The following GPSM1 variants were observed in gnomAD, a reference collection of about 807,000 sequenced individuals.
GPSM1 encodes the protein G protein signaling modulator 1.
Under a neutral mutation model 70.5 loss-of-function variants are expected in GPSM1, and 48 were observed. The ratio of observed to expected loss-of-function variants is 0.68; its 90% confidence interval spans 0.54 to 0.87. The LOEUF (loss-of-function observed/expected upper bound fraction) is 0.87. Ranked by LOEUF, GPSM1 falls within the 40% of genes least tolerant of loss-of-function variation. The pLI, the probability that GPSM1 is intolerant of heterozygous loss-of-function variation, is 0.00. For synonymous variants in GPSM1, 416 were observed against 430.1 expected, an observed-to-expected ratio of 0.97 and a Z score of 0.41; for missense variants, 981 against 972.6, an observed-to-expected ratio of 1.01 and a Z score of -0.11.
At position 136,358,022 on chromosome 9, in the gene GPSM1, G is replaced by C; in HGVS notation, c.1830G>C (p.Arg610Ser). The change falls in exon 14 of 14, where the codon AGG becomes AGC. Residue 610 changes from arginine to serine, a missense_variant. Coordinates refer to ENST00000440944, the MANE Select transcript of GPSM1 (RefSeq NM_001145638.3). ...FNMLIKYQSS[R>S]IDDQRCPPPD... ...GCACTGTGTCCACCCAGTCCTCCAG[G>C]ATCGATGACCAGCGCTGCCCGCCAC... The C allele has an allele frequency of 6.2e-7, 1 of 1,612,526 alleles. No individual in the cohort carries two copies.
intron 6 of GPSM1, among the ~76,000 whole-genome samples, 174 bp from the exon 7 acceptor site, chr9:136,338,381 G>C (rs1206583573): frequency 6.6e-6 from 1 of 152,192 alleles, no homozygotes. Flanking sequence ...GTCCCCCTGG[G>C]GCCAACAGTC....
Position 136,356,499 on chromosome 9 carries a change from C to T in GPSM1, c.1770C>T (p.Gly590=), listed in dbSNP as rs781858638. The change falls in exon 13 of 14, where the codon GGC becomes GGT. Residue 590 remains glycine (G), a synonymous_variant. Transcript: ENST00000440944. ...HSNAGHLRGH[G]EPQEPGDDFF... Reference sequence around the variant, plus strand: ...ATGCAGGGCACCTCCGAGGCCACGGCGAGCCCCAGGAGCCGGGGGACGACT... The same window carrying T: ...ATGCAGGGCACCTCCGAGGCCACGGTGAGCCCCAGGAGCCGGGGGACGACT... 10 of 1,611,680 alleles carry T rather than the reference C, an allele frequency of 6.2e-6. No homozygotes were observed. The highest frequency in any genetic ancestry group is 8.5e-6 in the Non-Finnish European group (10 of 1,179,268).
Position 136,343,897 on chromosome 9 carries a change from G to A in GPSM1, c.1207+2904G>A, listed in dbSNP as rs1218385790. 6.6e-6 allele frequency among the ~76,000 whole-genome samples: 1 copy of A among 152,196 alleles called. No homozygotes were observed. The highest frequency in any genetic ancestry group is 2.4e-5 in the African/African-American group (1 of 41,446). ...CACCCTCTGTCCGTGCGCCTAAGAGGGCCCAGAGGGGACAGTGTGTGGGAA... is the reference window on the plus strand; with the variant it reads ...CACCCTCTGTCCGTGCGCCTAAGAGAGCCCAGAGGGGACAGTGTGTGGGAA... On this transcript the variant is annotated intron_variant, in intron 9 of 13. Coordinates refer to ENST00000440944, the MANE Select transcript of GPSM1 (RefSeq NM_001145638.3). This position sits in a 1 kb window ranked among gnomAD's most constrained non-coding sequence, Gnocchi z 6.0.
intron 13 of GPSM1, among the ~76,000 whole-genome samples, chr9:136,356,909 G>A (rs976421237): frequency 1.3e-5 from 2 of 152,204 alleles, no homozygotes. Context: ...CACCCGGCAG[G>A]GAAAACACGG....
Position 136,341,079 on chromosome 9 carries a change from C to G in GPSM1, c.1207+86C>G, listed in dbSNP as rs1554770201. Reference sequence around the variant, plus strand: ...GCGGAGGGGTGGGATCGAGGCCAGGCCAGCATGGCGGAGGTGGCAGCCGCC... The same window carrying G: ...GCGGAGGGGTGGGATCGAGGCCAGGGCAGCATGGCGGAGGTGGCAGCCGCC... On this transcript the variant is annotated intron_variant, in intron 9 of 13. Coordinates refer to ENST00000440944, the MANE Select transcript of GPSM1 (RefSeq NM_001145638.3). The surrounding 1 kb of genome is among the most constrained non-coding windows in gnomAD (Gnocchi z 6.7). 2 of 1,550,384 alleles carry G rather than the reference C, an allele frequency of 1.3e-6. No homozygotes were observed. Among genetic ancestry groups the G allele is most frequent in the Admixed American group, 3.9e-5 (2 of 51,028 alleles).
intron 1 of GPSM1, among the ~76,000 whole-genome samples, chr9:136,331,757 C>T (rs1183209744): frequency 6.6e-6 from 1 of 152,212 alleles, no homozygotes; most frequent in Non-Finnish European, 1.5e-5. Flanking sequence ...ACGGGATTAC[C>T]CCAGGGCTCC....
Position 136,358,498 on chromosome 9 carries a change from C to G in GPSM1, c.*278C>G. The G allele has an allele frequency of 1.8e-6, 1 of 542,012 alleles. No individual in the cohort carries two copies. Among genetic ancestry groups the G allele is most frequent in the Non-Finnish European group, 3.2e-6 (1 of 310,118 alleles). The allele number at this position is 542,012 out of a possible 1,614,324, so 33.6% of individuals were successfully genotyped here. ...CATGTCGGCCCCGACCTGGTGCTGT[C>G]AGACTCCCGCATCCTCTCCCCCAAG... On this transcript the variant is annotated 3_prime_UTR_variant, in exon 14 of 14. Coordinates refer to ENST00000440944, the MANE Select transcript of GPSM1 (RefSeq NM_001145638.3).
At chr9:136,346,999 G>A (rs1486542242) in intron 9 of GPSM1, among the ~76,000 whole-genome samples, 1 of 152,190 alleles carries the variant, frequency 6.6e-6, no homozygotes, top group African/African-American at 2.4e-5. Context: ...TGCTAACTTT[G>A]ACGAGTGCCC....
At chr9:136,355,635 C>T (rs1432727845) in intron 11 of GPSM1, 55 bp from the exon 12 acceptor site, 20 of 1,549,072 alleles carry the variant, frequency 1.3e-5, no homozygotes, top group East Asian at 1.1e-4. Context: ...CCCCCGGTCT[C>T]GTCTGGGGGT....
rs1197008639 is a variant in GPSM1, at chr9:136,358,249, T to C, written c.*29T>C. On this transcript the variant is annotated 3_prime_UTR_variant, in exon 14 of 14. Transcript: ENST00000440944. ...CCTGTGCCCACCGCCAGGCCCACCC[T>C]GCCCCCACTCCTGGACGCCGGTCTC... The C allele has an allele frequency of 6.6e-6, 10 of 1,510,202 alleles. No individual in the cohort carries two copies. In the East Asian group the frequency reaches 2.4e-4, roughly 37 times the overall value. 93.6% of individuals were successfully genotyped at this position (1,510,202 alleles called of 1,614,324 possible).
At chr9:136,348,794 C>T in intron 10 of GPSM1, 27 bp downstream of exon 10, 1 of 1,563,506 alleles carries the variant, frequency 6.4e-7, no homozygotes, top group East Asian at 2.3e-5. Context: ...GGACCGATGT[C>T]AGCACAGCCG....
chr9:136,351,502 C>T (rs537798880), intron 11 of GPSM1, among the ~76,000 whole-genome samples: 4 of 152,218 alleles, frequency 2.6e-5, no homozygotes, highest in Admixed American at 2.0e-4. Context: ...TGGGACAGAC[C>T]AGTCAGCCGG....
Position 136,327,726 on chromosome 9 carries a change from G to C in GPSM1, c.31G>C (p.Glu11Gln). ...GGGCCCGGCCCCGCCCGCGGCCGACGAGCTCCCGGGCCCGGCCGCCAGGCG... is the reference window on the plus strand; with the variant it reads ...GGGCCCGGCCCCGCCCGCGGCCGACCAGCTCCCGGGCCCGGCCGCCAGGCG... MAGPAPPAAD[E>Q]LPGPAARRLY... is the part of the protein sequence containing the mutation. The change falls in exon 1 of 14, where the codon GAG (glutamate) becomes CAG (glutamine). Residue 11 changes from glutamate (E) to glutamine (Q), a missense_variant. Physicochemically the swap from Glu to Gln is conservative, Grantham distance 29 (BLOSUM62 2). Coordinates refer to ENST00000440944, the MANE Select transcript of GPSM1 (RefSeq NM_001145638.3). 8.4e-7 allele frequency: 1 copy of C among 1,185,822 alleles called. No homozygotes were observed. The highest frequency in any genetic ancestry group is 1.0e-6 in the Non-Finnish European group (1 of 959,776). The allele number at this position is 1,185,822 out of a possible 1,614,324, so 73.5% of individuals were successfully genotyped here.
chr9:136,357,322 T>A (rs1251459351), intron 13 of GPSM1, among the ~76,000 whole-genome samples: 1 of 152,056 alleles, frequency 6.6e-6, no homozygotes, highest in Non-Finnish European at 1.5e-5. Flanking sequence ...TCTGCCGTCC[T>A]CCCCACAGCA....
At position 136,355,859 on chromosome 9, in the gene GPSM1, C is replaced by T. The variant is rs782704509; in HGVS notation, c.1612+13C>T. 9 of 1,594,958 alleles carry T rather than the reference C, an allele frequency of 5.6e-6. No individual in the cohort carries two copies. The highest frequency in any genetic ancestry group is 1.7e-4 in the Middle Eastern group (1 of 5,858). On this transcript the variant is annotated intron_variant, in intron 12 of 13. Coordinates refer to ENST00000440944, the MANE Select transcript of GPSM1 (RefSeq NM_001145638.3). The stretch of plus-strand genomic sequence containing the variant: ...GAGGACAGGATCGGTGAGTGCCCCC[C>T]TCAGCCGGGCCCTCCCTTGGGCTTG...
rs552807136 is a variant in GPSM1, at chr9:136,358,337, C to T, written c.*117C>T. ...GACAGGCACTGGGCATGCAGCCCCA[C>T]GGCCTCCCCGACCCAGGGCGACAGG... On this transcript the variant is annotated 3_prime_UTR_variant, in exon 14 of 14. Coordinates refer to ENST00000440944, the MANE Select transcript of GPSM1 (RefSeq NM_001145638.3). 1.5e-5 allele frequency: 14 copies of T among 957,974 alleles called. No individual in the cohort carries two copies. The highest frequency in any genetic ancestry group is 2.6e-5 in the Admixed American group (1 of 37,862). The allele number at this position is 957,974 out of a possible 1,614,324, so 59.3% of individuals were successfully genotyped here.
Position 136,334,465 on chromosome 9 carries a change from A to G in GPSM1, c.87A>G (p.Leu29=), listed in dbSNP as rs1554768893. ...RLYSRMEASC[L]ELALEGERLC... ...TGCACAGGATGGAGGCGTCCTGCCTAGAGCTGGCGCTGGAGGGCGAGCGTC... is the reference window on the plus strand; with the variant it reads ...TGCACAGGATGGAGGCGTCCTGCCTGGAGCTGGCGCTGGAGGGCGAGCGTC... Residue 29 remains leucine, a synonymous_variant, in exon 2 of 14, where the codon CTA becomes CTG. Coordinates refer to ENST00000440944, the MANE Select transcript of GPSM1 (RefSeq NM_001145638.3). 13 of 1,612,516 alleles carry G rather than the reference A, an allele frequency of 8.1e-6. 1 individual carries two copies. In the African/African-American group the frequency reaches 1.5e-4, roughly 18 times the overall value.
chr9:136,357,862 C>G, intron 13 of GPSM1, 152 bp from the exon 14 acceptor site: 1 of 614,654 alleles, frequency 1.6e-6, no homozygotes, highest in Non-Finnish European at 2.8e-6. Flanking sequence ...CACAAGACCC[C>G]AGAGCGAGGC....
At chr9:136,337,153 C>G in intron 4 of GPSM1, 81 bp downstream of exon 4, 3 of 1,308,762 alleles carry the variant, frequency 2.3e-6, no homozygotes, top group Non-Finnish European at 3.1e-6. Flanking sequence ...GACCCCCGAC[C>G]CCAGCCCCAT....
Sources: allele counts gnomAD v4.1 joint callset (sites outside exome capture counted in the v4.1 genomes callset), GRCh38; gene constraint gnomAD v4.1.1; non-coding constraint Gnocchi (gnomAD v3.1); transcripts MANE v1.5; gene names NCBI Gene and HGNC (gene_info 2026-07-23, HGNC 2026-07-21).